NALF1: variants seen among roughly 807,000 people sequenced by gnomAD.
NALF1 encodes the protein family with sequence similarity 155 member A.
Under a neutral mutation model 48.4 loss-of-function variants are expected in NALF1, and 3 were observed. The ratio of observed to expected loss-of-function variants is 0.06; its 90% CI spans 0.03 to 0.16. The LOEUF (loss-of-function observed/expected upper bound fraction) is 0.16. NALF1 is among the 10% of genes least tolerant of loss of function. The probability of loss-of-function intolerance (pLI) is 1.00; values close to 1 mark genes in which losing one functional copy is unlikely to be tolerated. For synonymous variants in NALF1, 262 were observed against 245.7 expected, an observed-to-expected ratio of 1.07 and a Z score of -0.62; for missense variants, 526 against 571.5, an observed-to-expected ratio of 0.92 and a Z score of 0.81.
At chr13:107,708,216 A>G (rs1875461167) in intron 1 of NALF1, among the ~76,000 whole-genome samples, 1 of 152,040 alleles carries the variant, frequency 6.6e-6, no homozygotes, top group Non-Finnish European at 1.5e-5. Flanking sequence ...AAATCAGGAA[A>G]CTCTTACAAG....
At chr13:107,342,060 A>T (rs1882692235) in intron 1 of NALF1, among the ~76,000 whole-genome samples, 1 of 152,314 alleles carries the variant, frequency 6.6e-6, no homozygotes, top group East Asian at 1.9e-4. Flanking sequence ...CAGCCAAGCA[A>T]CACAATTAGC....
At chr13:107,366,234 C>A (rs1883149090) in intron 1 of NALF1, among the ~76,000 whole-genome samples, 1 of 152,134 alleles carries the variant, frequency 6.6e-6, no homozygotes, top group Non-Finnish European at 1.5e-5. Flanking sequence ...TATACAGAAA[C>A]TGCGTACTAT....
At chr13:107,202,655 A>T (rs1318511802) in intron 2 of NALF1, among the ~76,000 whole-genome samples, 1 of 152,152 alleles carries the variant, frequency 6.6e-6, no homozygotes, top group Admixed American at 6.5e-5. Context: ...CTATGTTCCA[A>T]AGTGCTTGTA....
intron 1 of NALF1, among the ~76,000 whole-genome samples, chr13:107,837,694 A>G (rs4000620): frequency 0.75 from 105,080 of 140,666 alleles, 36,820 homozygotes; most frequent in Non-Finnish European, 0.8. Flanking sequence ...GCAGACTCCC[A>G]GGAGTCAGCG....
intron 1 of NALF1, among the ~76,000 whole-genome samples, chr13:107,843,642 T>C (rs1274223769): frequency 6.6e-6 from 1 of 152,064 alleles, no homozygotes; most frequent in East Asian, 1.9e-4. Flanking sequence ...TCACTCCAAT[T>C]TCTTATTTCA....
chr13:107,670,836 C>T (rs1880973306), intron 1 of NALF1, among the ~76,000 whole-genome samples: 1 of 152,078 alleles, frequency 6.6e-6, no homozygotes, highest in Admixed American at 6.6e-5. Context: ...ATACCCAGTG[C>T]TGGTAGAGTT....
At chr13:107,277,680 C>T (rs1881308166) in intron 1 of NALF1, among the ~76,000 whole-genome samples, 1 of 152,172 alleles carries the variant, frequency 6.6e-6, no homozygotes, top group Non-Finnish European at 1.5e-5. Flanking sequence ...TCTCCTTCTC[C>T]ATATTCCCAA....
intron 1 of NALF1, among the ~76,000 whole-genome samples, chr13:107,324,317 C>G (rs984789142): frequency 1.3e-5 from 2 of 152,094 alleles, no homozygotes; most frequent in Admixed American, 6.6e-5. Context: ...CATGAAAATC[C>G]TTTTAGAACT....
intron 1 of NALF1, among the ~76,000 whole-genome samples, chr13:107,277,707 A>T (rs372398748): frequency 2.0e-5 from 3 of 152,222 alleles, no homozygotes; most frequent in African/African-American, 7.2e-5. Context: ...ACTGGTTCCC[A>T]CCCACCTACC....
chr13:107,723,455 A>AT (rs1161987557), intron 1 of NALF1, among the ~76,000 whole-genome samples: 1 of 152,160 alleles, frequency 6.6e-6, no homozygotes, highest in Non-Finnish European at 1.5e-5. Flanking sequence ...ATACACACAC[A>AT]TTTTTATTCA....
chr13:107,774,829 C>A (rs1317582278), intron 1 of NALF1, among the ~76,000 whole-genome samples: 2 of 152,144 alleles, frequency 1.3e-5, no homozygotes, highest in Non-Finnish European at 2.9e-5. Context: ...AGCCCTAAAT[C>A]TCAGCTCTTA....
chr13:107,769,711 T>C (rs1877523438), intron 1 of NALF1, among the ~76,000 whole-genome samples: 1 of 147,716 alleles, frequency 6.8e-6, no homozygotes, highest in South Asian at 2.2e-4. Flanking sequence ...AAAGAAGAAA[T>C]AAACACAGGT....
chr13:107,221,849 T>C (rs996625970), intron 1 of NALF1, among the ~76,000 whole-genome samples: 2 of 152,204 alleles, frequency 1.3e-5, no homozygotes, highest in African/African-American at 4.8e-5. Context: ...AGGTAAATAT[T>C]AACTCATGAT....
chr13:107,845,271 T>C (rs1203985352), intron 1 of NALF1, among the ~76,000 whole-genome samples: 1 of 152,222 alleles, frequency 6.6e-6, no homozygotes, highest in African/African-American at 2.4e-5. Flanking sequence ...GTAATGCTAT[T>C]AGGCGGCATA....
chr13:107,182,859 T>C (rs964071497), intron 2 of NALF1, among the ~76,000 whole-genome samples: 2 of 152,306 alleles, frequency 1.3e-5, no homozygotes, highest in Admixed American at 6.5e-5. Flanking sequence ...TTGGGGGTGA[T>C]TGGGTTGTAT....
At chr13:107,790,557 G>A (rs1878200865) in intron 1 of NALF1, among the ~76,000 whole-genome samples, 1 of 152,166 alleles carries the variant, frequency 6.6e-6, no homozygotes, top group South Asian at 2.1e-4. Context: ...GCTGAAATCT[G>A]TATGTCAGAT....
intron 1 of NALF1, among the ~76,000 whole-genome samples, chr13:107,817,925 G>T (rs772487885): frequency 6.6e-6 from 1 of 152,148 alleles, no homozygotes; most frequent in Non-Finnish European, 1.5e-5. Context: ...ACCTGAAAAA[G>T]ATTTATTGTT....
intron 1 of NALF1, among the ~76,000 whole-genome samples, chr13:107,773,547 T>C (rs1181005960): frequency 3.9e-5 from 6 of 152,128 alleles, no homozygotes; most frequent in African/African-American, 1.4e-4. Context: ...GAATAATTTT[T>C]CTAAAACCAA....
intron 1 of NALF1, among the ~76,000 whole-genome samples, chr13:107,219,341 A>G (rs1229720516): frequency 6.6e-6 from 1 of 152,246 alleles, no homozygotes; most frequent in African/African-American, 2.4e-5. Flanking sequence ...CAGTGATCCT[A>G]TTAAAATTTA....
Sources: allele counts gnomAD v4.1 joint callset (sites outside exome capture counted in the v4.1 genomes callset), GRCh38; gene constraint gnomAD v4.1.1; transcripts MANE v1.5; gene names NCBI Gene and HGNC (gene_info 2026-07-23, HGNC 2026-07-21).